VEZT: variants seen among roughly 807,000 people sequenced by gnomAD.
The protein encoded by VEZT is vezatin, adherens junctions transmembrane protein.
In VEZT, 39 loss-of-function variants were observed where a neutral mutation model predicts 79.9. The observed-to-expected ratio is 0.49, with a 90% CI of 0.38 to 0.64. VEZT has a LOEUF of 0.64. Among genes scored for constraint, VEZT ranks in the 30% least tolerant of loss-of-function variants. The pLI, the probability that VEZT is intolerant of heterozygous loss-of-function variation, is 0.00. For missense variants in VEZT, 837 were observed against 893.1 expected (o/e 0.94, Z 0.80); for synonymous variants, 325 against 327.6 (o/e 0.99, Z 0.09).
intron 1 of VEZT, among the ~76,000 whole-genome samples, chr12:95,235,485 G>C (rs1178667843): frequency 7.4e-6 from 1 of 135,356 alleles, no homozygotes; most frequent in Non-Finnish European, 1.6e-5. Context: ...CCCAGTAGGG[G>C]CGGCCGGGCA....
chr12:95,267,513 AAG>A (rs1008069192), intron 5 of VEZT, among the ~76,000 whole-genome samples: 25 of 152,146 alleles, frequency 1.6e-4, no homozygotes, highest in African/African-American at 6.0e-4. Flanking sequence ...AAATCATGAA[AAG>A]AGGGAGTGAA....
intron 1 of VEZT, among the ~76,000 whole-genome samples, chr12:95,231,972 C>G (rs1473702957): frequency 6.6e-6 from 1 of 152,038 alleles, no homozygotes; most frequent in Non-Finnish European, 1.5e-5. Context: ...AAAATCACTG[C>G]CTTTTATAAT....
At chr12:95,295,118 A>G (rs2073851116) in intron 10 of VEZT, among the ~76,000 whole-genome samples, 2 of 152,182 alleles carry the variant, frequency 1.3e-5, no homozygotes, top group African/African-American at 2.4e-5. Context: ...CTACTTCAAG[A>G]AACATATCTG....
At chr12:95,218,817 G>A (rs1037891713) in intron 1 of VEZT, among the ~76,000 whole-genome samples, 10 of 152,200 alleles carry the variant, frequency 6.6e-5, no homozygotes, top group African/African-American at 2.2e-4. Context: ...CACCCAGTAC[G>A]CGATATCCGA....
At chr12:95,245,435 G>C (rs1381676748) in intron 1 of VEZT, 1 of 449,986 alleles carries the variant, frequency 2.2e-6, no homozygotes, top group African/African-American at 2.0e-5. Flanking sequence ...AATGTTGAAA[G>C]CTTGATGAAC....
At chr12:95,277,508 C>G (rs1318832097) in intron 7 of VEZT, among the ~76,000 whole-genome samples, 1 of 152,168 alleles carries the variant, frequency 6.6e-6, no homozygotes, top group Non-Finnish European at 1.5e-5. Context: ...TATAGCTACT[C>G]TTTGGGGTGG....
intron 5 of VEZT, among the ~76,000 whole-genome samples, chr12:95,266,913 T>G (rs1460096261): frequency 6.6e-6 from 1 of 152,208 alleles, no homozygotes; most frequent in East Asian, 1.9e-4. Context: ...TGAGATAATA[T>G]ATAGAGAGTG....
chr12:95,231,828 A>G (rs1024011178), intron 1 of VEZT, among the ~76,000 whole-genome samples: 6 of 152,220 alleles, frequency 3.9e-5, no homozygotes, highest in African/African-American at 1.4e-4. Flanking sequence ...TGAATTAAAG[A>G]TAAGTGAAAA....
intron 9 of VEZT, among the ~76,000 whole-genome samples, chr12:95,289,896 G>A (rs1252905568): frequency 3.3e-5 from 5 of 152,272 alleles, no homozygotes; most frequent in African/African-American, 1.2e-4. Flanking sequence ...GTATCTGTAT[G>A]TGTGTGTAAT....
At position 95,292,402 on chromosome 12, in the gene VEZT, T is replaced by C. The variant is rs76551860; in HGVS notation, c.1523-1870T>C. Among the ~76,000 whole-genome samples, 133 of 152,324 alleles carry C rather than the reference T, an allele frequency of 8.7e-4. 2 individuals carry two copies. The highest frequency in any genetic ancestry group is 3.1e-3 in the African/African-American group (129 of 41,564). On this transcript the variant is annotated intron_variant, in intron 9 of 11. Transcript: ENST00000436874. ...AAGAACTCGATATATGGTGTCACCA[T>C]TGATGTAATGAAATCTGTGTTCTGC...
chr12:95,240,851 A>T (rs2060910663), intron 1 of VEZT, among the ~76,000 whole-genome samples: 1 of 152,076 alleles, frequency 6.6e-6, no homozygotes, highest in Non-Finnish European at 1.5e-5. Context: ...TGATTTTTTC[A>T]ATCTTTGATT....
At chr12:95,220,388 C>G (rs1361829733) in intron 1 of VEZT, among the ~76,000 whole-genome samples, 1 of 152,088 alleles carries the variant, frequency 6.6e-6, no homozygotes, top group African/African-American at 2.4e-5. Context: ...CTGGGTAGGT[C>G]AAGGCTGCAG....
At chr12:95,294,416 T>G (rs2073696946) in intron 10 of VEZT, 44 bp downstream of exon 10, 1 of 1,442,370 alleles carries the variant, frequency 6.9e-7, no homozygotes, top group Non-Finnish European at 9.5e-7. Flanking sequence ...GGATTTCTGT[T>G]TCTAATGAGC....
At chr12:95,297,244 T>A (rs1005011514) in intron 11 of VEZT, among the ~76,000 whole-genome samples, 1 of 152,220 alleles carries the variant, frequency 6.6e-6, no homozygotes, top group African/African-American at 2.4e-5. Flanking sequence ...AATTCTTAGT[T>A]GAATTAATGC....
At chr12:95,226,771 A>AG (rs2058553832) in intron 1 of VEZT, among the ~76,000 whole-genome samples, 1 of 152,228 alleles carries the variant, frequency 6.6e-6, no homozygotes, top group Non-Finnish European at 1.5e-5. Flanking sequence ...TGAAGTGCCC[A>AG]GGCCCAATTC....
In VEZT at chr12:95,300,588, T is replaced by A. The variant is rs906892188; in HGVS notation, c.2255T>A (p.Phe752Tyr). The stretch of plus-strand genomic sequence containing the variant: ...GAAGTGGCTGCTAGATCTCTCTCCT[T>A]TACCACCATGCAGGAACAGACTTTT... Reference protein sequence around the residue: ...AAEVAARSLSFTTMQEQTFGG... With the variant: ...AAEVAARSLSYTTMQEQTFGG... The change falls in exon 12 of 12, where the codon TTT becomes TAT. Residue 752 changes from phenylalanine to tyrosine, a missense_variant. By Grantham distance (22) the Phe-to-Tyr change is conservative. Transcript: ENST00000436874. The A allele has an allele frequency of 2.3e-5, 37 of 1,613,700 alleles. No homozygotes were observed. The Admixed American group carries it at 5.8e-4, about 25-fold the overall frequency.
At chr12:95,291,060 T>C (rs1260050980) in intron 9 of VEZT, among the ~76,000 whole-genome samples, 2 of 152,044 alleles carry the variant, frequency 1.3e-5, no homozygotes, top group Admixed American at 1.3e-4. Flanking sequence ...AAACCAGTAG[T>C]TTGAGACCAG....
At chr12:95,258,082 G>A (rs935588424) in intron 3 of VEZT, among the ~76,000 whole-genome samples, 20 of 152,212 alleles carry the variant, frequency 1.3e-4, no homozygotes, top group Middle Eastern at 3.4e-3. Flanking sequence ...TATAGCATAC[G>A]ACCTCTCTAG....
At chr12:95,286,596 C>T in intron 8 of VEZT, 3 of 457,218 alleles carry the variant, frequency 6.6e-6, no homozygotes, top group Non-Finnish European at 1.3e-5. Flanking sequence ...TCTTTTTCTT[C>T]ACCAGCTTTT....
Sources: allele counts gnomAD v4.1 joint callset (sites outside exome capture counted in the v4.1 genomes callset), GRCh38; gene constraint gnomAD v4.1.1; transcripts MANE v1.5; gene names NCBI Gene and HGNC (gene_info 2026-07-23, HGNC 2026-07-21).